CDH8: variants seen among roughly 807,000 people sequenced by gnomAD.
The protein encoded by CDH8 is cadherin 8, also known as cadherin-8.
A neutral mutation model predicts 68.1 loss-of-function variants in CDH8; 17 were observed. The ratio of observed to expected loss-of-function variants is 0.25; its 90% CI spans 0.17 to 0.37. The LOEUF is 0.37. CDH8 is among the 10% of genes least tolerant of loss of function. The pLI, the probability that CDH8 is intolerant of heterozygous loss-of-function variation, is 1.00. For missense variants in CDH8, 763 were observed against 999.3 expected (o/e 0.76, Z 3.19); for synonymous variants, 372 against 365.1 (o/e 1.02, Z -0.21).
chr16:61,997,238 C>T (rs1567561888), intron 2 of CDH8, among the ~76,000 whole-genome samples: 2 of 152,066 alleles, frequency 1.3e-5, no homozygotes, highest in Admixed American at 1.3e-4. Context: ...CCTTATGGTA[C>T]ACTGTTTGAA....
intron 2 of CDH8, among the ~76,000 whole-genome samples, chr16:61,909,774 T>G (rs1964127386): frequency 6.6e-6 from 1 of 152,176 alleles, no homozygotes; most frequent in African/African-American, 2.4e-5. Flanking sequence ...CAATCTGTCC[T>G]GTAAAATTTT....
chr16:61,689,592 A>G (rs1390963152), intron 10 of CDH8, among the ~76,000 whole-genome samples: 1 of 152,038 alleles, frequency 6.6e-6, no homozygotes, highest in Non-Finnish European at 1.5e-5. Flanking sequence ...AATGAGGATA[A>G]CAATAATATG....
At chr16:61,700,770 T>A (rs1411836036) in intron 10 of CDH8, among the ~76,000 whole-genome samples, 1 of 152,208 alleles carries the variant, frequency 6.6e-6, no homozygotes, top group Admixed American at 6.5e-5. Flanking sequence ...AAAGGCTCTT[T>A]AATCGATAGA....
rs560950267 is a variant in CDH8 at position 61,771,495 on chromosome 16, T to A, written c.1414+17851A>T. ...GCCAAAAAAAAAAAAAAAAAAAAACTTTTTTTTAACCAATTTTTCTTTACA... is the reference window on the plus strand; with the variant it reads ...GCCAAAAAAAAAAAAAAAAAAAAACATTTTTTTAACCAATTTTTCTTTACA... On this transcript the variant is annotated intron_variant, in intron 8 of 11. Transcript: ENST00000577390. Among the ~76,000 whole-genome samples, 364 of 138,340 alleles carry A rather than the reference T, an allele frequency of 2.6e-3. 1 individual carries two copies. Among genetic ancestry groups the A allele is most frequent in the Non-Finnish European group, 4.5e-3 (286 of 63,566 alleles). The allele number at this position is 138,340 out of a possible 152,430, so 90.8% of individuals were successfully genotyped here. A position where few individuals can be genotyped will look rare whatever the true frequency, so the allele number is the denominator to read the frequency against.
intron 7 of CDH8, among the ~76,000 whole-genome samples, chr16:61,815,762 A>G (rs1047528685): frequency 6.6e-6 from 1 of 151,932 alleles, no homozygotes; most frequent in African/African-American, 2.4e-5. Context: ...CTCCCTTCAC[A>G]TTCTTTCTCC....
intron 8 of CDH8, among the ~76,000 whole-genome samples, chr16:61,774,367 C>A (rs560094118): frequency 6.6e-6 from 1 of 151,720 alleles, no homozygotes; most frequent in African/African-American, 2.4e-5. Flanking sequence ...TGTGGGGATC[C>A]TTCCCTGTGA....
intron 4 of CDH8, among the ~76,000 whole-genome samples, chr16:61,827,458 A>T (rs1962364313): frequency 6.6e-6 from 1 of 151,952 alleles, no homozygotes; most frequent in Non-Finnish European, 1.5e-5. Context: ...AACTTCTCTG[A>T]GTCAAAAAAG....
chr16:61,841,654 A>T (rs907397773), intron 4 of CDH8, among the ~76,000 whole-genome samples: 2 of 152,198 alleles, frequency 1.3e-5, no homozygotes, highest in Admixed American at 6.5e-5. Context: ...TGTACATTTT[A>T]AAATAAAGAG....
At chr16:61,748,931 T>A (rs1271174026) in intron 8 of CDH8, among the ~76,000 whole-genome samples, 1 of 152,032 alleles carries the variant, frequency 6.6e-6, no homozygotes, top group Admixed American at 6.6e-5. Context: ...AAAATATTTC[T>A]CCAACTGATG....
At chr16:61,726,849 GA>G (rs1959387607) in intron 9 of CDH8, 2 of 501,130 alleles carry the variant, frequency 4.0e-6, no homozygotes, top group Admixed American at 3.6e-5. Context: ...TTAAGACAGT[GA>G]TTTGGCTCTG....
At chr16:61,995,258 CACAAA>C (rs1476424899) in intron 2 of CDH8, among the ~76,000 whole-genome samples, 1 of 152,120 alleles carries the variant, frequency 6.6e-6, no homozygotes, top group East Asian at 1.9e-4. Context: ...AGGAAGGAAA[CACAAA>C]ACAAATTGTT....
At chr16:61,864,408 G>A (rs1025785205) in intron 3 of CDH8, among the ~76,000 whole-genome samples, 16 of 152,036 alleles carry the variant, frequency 1.1e-4, no homozygotes, top group Non-Finnish European at 1.5e-4. Context: ...ACAGAGCACC[G>A]ACCTGATGTG....
chr16:61,682,196 T>C (rs1413173729), intron 10 of CDH8, among the ~76,000 whole-genome samples: 1 of 151,996 alleles, frequency 6.6e-6, no homozygotes, highest in Non-Finnish European at 1.5e-5. Flanking sequence ...TAATAAGTCA[T>C]TGAAGATTGA....
intron 4 of CDH8, among the ~76,000 whole-genome samples, chr16:61,837,333 T>C (rs1962589499): frequency 6.6e-6 from 1 of 152,078 alleles, no homozygotes. Flanking sequence ...AAAGAATGTA[T>C]TTGTACTCAT....
chr16:61,889,628 A>C (rs1963739120), intron 3 of CDH8, among the ~76,000 whole-genome samples: 2 of 152,182 alleles, frequency 1.3e-5, no homozygotes, highest in Admixed American at 1.3e-4. Flanking sequence ...ACAAAGGCTG[A>C]ACTCTGTGAG....
intron 3 of CDH8, among the ~76,000 whole-genome samples, chr16:61,871,752 A>G (rs1337470289): frequency 1.4e-5 from 2 of 144,090 alleles, no homozygotes; most frequent in African/African-American, 5.2e-5. Context: ...CTGTGGCCAG[A>G]AGCTAGTTCT....
At chr16:61,706,425 G>A (rs1964533428) in intron 10 of CDH8, among the ~76,000 whole-genome samples, 1 of 151,930 alleles carries the variant, frequency 6.6e-6, no homozygotes, top group African/African-American at 2.4e-5. Context: ...AGACCATCCT[G>A]GCTAACACGG....
chr16:61,813,134 C>T (rs997571993), intron 7 of CDH8, among the ~76,000 whole-genome samples: 19 of 152,088 alleles, frequency 1.2e-4, no homozygotes, highest in African/African-American at 4.3e-4. Context: ...GTTAATTCCA[C>T]AGATTTGGTT....
At chr16:62,023,081 A>C (rs1902112437) in intron 1 of CDH8, among the ~76,000 whole-genome samples, 1 of 152,190 alleles carries the variant, frequency 6.6e-6, no homozygotes, top group South Asian at 2.1e-4. Flanking sequence ...CTTCGCCTTA[A>C]AACAGATTCC....
Sources: allele counts gnomAD v4.1 joint callset (sites outside exome capture counted in the v4.1 genomes callset), GRCh38; gene constraint gnomAD v4.1.1; transcripts MANE v1.5; gene names NCBI Gene and HGNC (gene_info 2026-07-23, HGNC 2026-07-21).